The following NUTM1 variants were observed in gnomAD, a reference collection of about 807,000 sequenced individuals.
NUTM1 encodes NUT midline carcinoma family member 1, also known as NUT family member 1.
In NUTM1, 39 loss-of-function variants were observed where a neutral mutation model predicts 88.7. That is an observed-to-expected ratio of 0.44 (90% CI 0.34 to 0.57). The LOEUF (loss-of-function observed/expected upper bound fraction) is 0.57. Ranked by LOEUF, NUTM1 falls within the 20% of genes least tolerant of loss-of-function variation. The pLI is 0.01. For synonymous variants in NUTM1, 494 were observed against 538.0 expected (o/e 0.92, Z 1.13); for missense variants, 1,350 against 1,414.5 (o/e 0.95, Z 0.73).
chr15:34,356,854 G>C lies in NUTM1; in HGVS notation c.2846G>C (p.Cys949Ser). The C allele has an allele frequency of 6.2e-7, 1 of 1,612,484 alleles. No homozygotes were observed. The highest frequency in any genetic ancestry group is 8.5e-7 in the Non-Finnish European group (1 of 1,179,752). The change falls in exon 8 of 8, where the codon TGC (cysteine) becomes TCC (serine). Residue 949 changes from cysteine (C) to serine (S), a missense_variant. Around this residue, in one of 5 missense-constraint regions of NUTM1, gnomAD observed 730 missense variants for 728.8 expected, o/e 1.00. Coordinates refer to ENST00000537011, the MANE Select transcript of NUTM1 (RefSeq NM_001284292.2). ...CAACTAAGGGTCAGCGAGGACACCTGCCCACTGAATGTTCATTCTTATGAC... is the reference window on the plus strand; with the variant it reads ...CAACTAAGGGTCAGCGAGGACACCTCCCCACTGAATGTTCATTCTTATGAC... The part of the protein sequence containing the change: ...GLQLRVSEDT[C>S]PLNVHSYDPQ...
At chr15:34,347,559 C>G (rs1315858447) in intron 2 of NUTM1, among the ~76,000 whole-genome samples, 1 of 151,198 alleles carries the variant, frequency 6.6e-6, no homozygotes, top group Non-Finnish European at 1.5e-5. Context: ...TGCCCGGCCT[C>G]TACAAAAAAA....
Position 34,348,065 on chromosome 15 carries a change from C to T in NUTM1, c.197C>T (p.Pro66Leu). Residue 66 changes from proline (P) to leucine (L), a missense_variant, in exon 3 of 8, where the codon CCA becomes CTA. Physicochemically the swap from Pro to Leu is moderately conservative, Grantham distance 98. Transcript: ENST00000537011. ...TTTCTCCCACCAACTTCTGACCCAC[C>T]AGACCACCCACCCAGGGAGCCACCT... ...LPFLPPTSDP[P>L]DHPPREPPPQ... is the part of the protein sequence containing the mutation. The T allele has an allele frequency of 6.2e-7, 1 of 1,614,080 alleles. No individual in the cohort carries two copies. Among genetic ancestry groups the T allele is most frequent in the East Asian group, 2.2e-5 (1 of 44,852 alleles).
intron 4 of NUTM1, among the ~76,000 whole-genome samples, chr15:34,352,877 C>CTTTTTTTTT (rs778786955): frequency 3.8e-5 from 2 of 52,804 alleles, no homozygotes; most frequent in African/African-American, 1.4e-4. Context: ...TCATTCTTAA[C>CTTTTTTTTT]TTTTTTTTTT....
At chr15:34,354,981 C>T in intron 6 of NUTM1, 40 bp from the exon 7 acceptor site, 1 of 1,470,848 alleles carries the variant, frequency 6.8e-7, no homozygotes, top group South Asian at 1.1e-5. Context: ...CACAGGTTAC[C>T]TGCTTACAGA....
chr15:34,346,989 A>G (rs1890604815), intron 2 of NUTM1, among the ~76,000 whole-genome samples: 1 of 151,664 alleles, frequency 6.6e-6, no homozygotes, highest in African/African-American at 2.4e-5. Flanking sequence ...AAAAGAAGCA[A>G]CTTCTTTAAT....
chr15:34,356,178 C>T lies in NUTM1; in HGVS notation c.2170C>T (p.Pro724Ser). 1 of 1,610,632 alleles carries T rather than the reference C, an allele frequency of 6.2e-7. No homozygotes were observed. Among genetic ancestry groups the T allele is most frequent in the Non-Finnish European group, 8.5e-7 (1 of 1,177,370 alleles). ...GAMWGDDRGT[P>S]MAQSYDQNPS... ...CATGTGGGGAGATGACAGAGGTACC[C>T]CCATGGCTCAGAGTTATGATCAGAA... Residue 724 changes from proline to serine, a missense_variant, in exon 8 of 8, where the codon CCC becomes TCC. By Grantham distance (74) the Pro-to-Ser change is moderately conservative. Coordinates refer to ENST00000537011, the MANE Select transcript of NUTM1 (RefSeq NM_001284292.2).
chr15:34,343,437 A>G lies in NUTM1; in HGVS notation c.-260A>G, dbSNP rs1890523204. ...CCATTTCAGGAGCAGTGAGTTTTCAATGCCTGAAGAAACAAGGGCTCCAGG... is the reference window on the plus strand; with the variant it reads ...CCATTTCAGGAGCAGTGAGTTTTCAGTGCCTGAAGAAACAAGGGCTCCAGG... On this transcript the variant is annotated 5_prime_UTR_variant, in exon 1 of 8. The change abolishes an upstream ATG in the 5' untranslated region. Transcript: ENST00000537011. 7.0e-6 allele frequency: 5 copies of G among 712,398 alleles called. No individual in the cohort carries two copies. The East Asian group carries it at 1.4e-4, about 19-fold the overall frequency. 44.1% of individuals were successfully genotyped at this position (712,398 alleles called of 1,614,324 possible). A position where few individuals can be genotyped will look rare whatever the true frequency, so the allele number is the denominator to read the frequency against.
At chr15:34,352,573 C>T (rs1890727954) in intron 4 of NUTM1, among the ~76,000 whole-genome samples, 1 of 148,122 alleles carries the variant, frequency 6.8e-6, no homozygotes. Context: ...GTGAGGCGGG[C>T]GGATCATGAA....
At chr15:34,345,153 T>A (rs2140150201) in intron 1 of NUTM1, among the ~76,000 whole-genome samples, 1 of 152,256 alleles carries the variant, frequency 6.6e-6, no homozygotes, top group Non-Finnish European at 1.5e-5. Flanking sequence ...GGAAGGCCTT[T>A]TGGGGGAAAT....
At chr15:34,347,303 G>A (rs1459734638) in intron 2 of NUTM1, among the ~76,000 whole-genome samples, 4 of 151,706 alleles carry the variant, frequency 2.6e-5, no homozygotes, top group African/African-American at 9.7e-5. Context: ...TGTCACCGAG[G>A]CTGGAGCACA....
Position 34,353,819 on chromosome 15 carries a change from C to G in NUTM1, c.1022C>G (p.Pro341Arg). ...NGSQGLSPAT[P>R]LKLDPLGPLA... ...TCTCAGGGCCTGTCTCCTGCAACCC[C>G]TTTGAAACTTGATCCTCTAGGGCCC... The change falls in exon 5 of 8, where the codon CCT becomes CGT. Residue 341 changes from proline to arginine, a missense_variant. Physicochemically the swap from Pro to Arg is moderately radical, Grantham distance 103. Coordinates refer to ENST00000537011, the MANE Select transcript of NUTM1 (RefSeq NM_001284292.2). The G allele has an allele frequency of 6.2e-7, 1 of 1,614,118 alleles. No homozygotes were observed. The highest frequency in any genetic ancestry group is 1.1e-5 in the South Asian group (1 of 91,084).
chr15:34,344,394 T>C (rs1186383495), intron 1 of NUTM1, among the ~76,000 whole-genome samples: 3 of 149,760 alleles, frequency 2.0e-5, no homozygotes, highest in Non-Finnish European at 4.4e-5. Flanking sequence ...TCCCAGCTAC[T>C]CGGGAGGCTG....
At chr15:34,347,941 C>T (rs763915881) in intron 2 of NUTM1, 28 bp from the exon 3 acceptor site, 1 of 1,433,094 alleles carries the variant, frequency 7.0e-7, no homozygotes, top group South Asian at 1.2e-5. Context: ...TCTCCTACTC[C>T]ATTTCTTCTT....
At chr15:34,347,885 A>G in intron 2 of NUTM1, 84 bp from the exon 3 acceptor site, 2 of 671,688 alleles carry the variant, frequency 3.0e-6, no homozygotes, top group Non-Finnish European at 4.5e-6. Flanking sequence ...AATAAAAATA[A>G]AAATAAAAAA....
In NUTM1 at chr15:34,348,529, G is replaced by T; in HGVS notation, c.661G>T (p.Ala221Ser). The stretch of plus-strand genomic sequence containing the variant: ...GACAACCGGGGAAGGAGGTCCTGTG[G>T]CCACTCTATCCAAGCCTTCCCTAGG... ...HGTTGEGGPV[A>S]TLSKPSLGDR... Residue 221 changes from alanine to serine, a missense_variant, in exon 3 of 8, where the codon GCC becomes TCC. By Grantham distance (99) the Ala-to-Ser change is moderately conservative. This residue lies in a region of NUTM1 where 399 missense variants were observed against 397.9 expected (regional missense o/e 1.00). Coordinates refer to ENST00000537011, the MANE Select transcript of NUTM1 (RefSeq NM_001284292.2). The T allele has an allele frequency of 4.3e-6, 7 of 1,614,150 alleles. No individual in the cohort carries two copies. Among genetic ancestry groups the T allele is most frequent in the Non-Finnish European group, 5.9e-6 (7 of 1,180,030 alleles).
intron 4 of NUTM1, among the ~76,000 whole-genome samples, chr15:34,352,110 C>T (rs1331168599): frequency 6.6e-6 from 1 of 152,148 alleles, no homozygotes; most frequent in Non-Finnish European, 1.5e-5. Flanking sequence ...GCAGAGGTTG[C>T]GGTGAGCCGA....
intron 3 of NUTM1, among the ~76,000 whole-genome samples, chr15:34,349,518 G>C (rs1890669703): frequency 6.6e-6 from 1 of 152,148 alleles, no homozygotes; most frequent in African/African-American, 2.4e-5. Flanking sequence ...TAGTCAAGGA[G>C]CCCAGGGTCC....
chr15:34,357,437 G>A lies in NUTM1; in HGVS notation c.3429G>A (p.Arg1143=). ...GVVRPSQPRK[R]RCDSFVTGRR... Reference sequence around the variant, plus strand: ...TTCGACCCTCACAGCCTCGTAAAAGGCGGTGTGACAGTTTTGTCACGGGCA... The same window carrying A: ...TTCGACCCTCACAGCCTCGTAAAAGACGGTGTGACAGTTTTGTCACGGGCA... Residue 1143 remains arginine, a synonymous_variant, in exon 8 of 8, where the codon AGG becomes AGA. Coordinates refer to ENST00000537011, the MANE Select transcript of NUTM1 (RefSeq NM_001284292.2). 6.2e-7 allele frequency: 1 copy of A among 1,613,234 alleles called. No homozygotes were observed. Among genetic ancestry groups the A allele is most frequent in the African/African-American group, 1.3e-5 (1 of 74,984 alleles).
chr15:34,343,662 G>A lies in NUTM1; in HGVS notation c.-35G>A. 6.5e-7 allele frequency: 1 copy of A among 1,534,398 alleles called. No homozygotes were observed. Among genetic ancestry groups the A allele is most frequent in the Non-Finnish European group, 8.7e-7 (1 of 1,145,812 alleles). ...TTCAGCGGTCGAACCAAGATTTAAA[G>A]TTAGGTCCCTACCGCAAATTCAGCG... On this transcript the variant is annotated 5_prime_UTR_variant, in exon 1 of 8. Transcript: ENST00000537011.
Sources: allele counts gnomAD v4.1 joint callset (sites outside exome capture counted in the v4.1 genomes callset), GRCh38; gene constraint gnomAD v4.1.1; regional missense constraint gnomAD v4.1.1; transcripts MANE v1.5; gene names NCBI Gene and HGNC (gene_info 2026-07-23, HGNC 2026-07-21).